The following CDYL2 variants were observed in gnomAD, a reference collection of about 807,000 sequenced individuals.
CDYL2 encodes chromodomain Y-like protein 2.
A neutral mutation model predicts 49.4 loss-of-function variants in CDYL2; 23 were observed. The ratio of observed to expected loss-of-function variants is 0.47; its 90% confidence interval spans 0.34 to 0.66. CDYL2 has a LOEUF of 0.66. Among genes scored for constraint, CDYL2 ranks in the 30% least tolerant of loss-of-function variants. The pLI, the probability that CDYL2 is intolerant of heterozygous loss-of-function variation, is 0.01. For synonymous variants in CDYL2, 360 were observed against 268.8 expected, an observed-to-expected ratio of 1.34 and a Z score of -3.32; for missense variants, 678 against 656.4, an observed-to-expected ratio of 1.03 and a Z score of -0.36.
At chr16:80,723,218 C>T (rs980568247) in intron 1 of CDYL2, among the ~76,000 whole-genome samples, 1 of 152,218 alleles carries the variant, frequency 6.6e-6, no homozygotes, top group Non-Finnish European at 1.5e-5. Flanking sequence ...AAGGCATCTC[C>T]TCTCGGAGCT....
At chr16:80,665,692 T>C (rs749153764) in intron 2 of CDYL2, among the ~76,000 whole-genome samples, 4 of 151,860 alleles carry the variant, frequency 2.6e-5, no homozygotes, top group Admixed American at 1.3e-4. Context: ...GAGATGAAGA[T>C]GGGAGAAGCT....
intron 5 of CDYL2, among the ~76,000 whole-genome samples, chr16:80,608,660 C>T (rs1302016159): frequency 1.3e-5 from 2 of 152,136 alleles, no homozygotes; most frequent in Non-Finnish European, 2.9e-5. Context: ...AGTGGGGTTT[C>T]CAGCTGCAGG....
chr16:80,804,486 CCCCCGCGA>C lies in CDYL2; in HGVS notation c.-321_-314del, dbSNP rs1486593552. Among the ~76,000 whole-genome samples the C allele has an allele frequency of 6.9e-6, 1 of 144,684 alleles. No individual in the cohort carries two copies. The highest frequency in any genetic ancestry group is 2.1e-4 in the East Asian group (1 of 4,826). 94.9% of individuals were successfully genotyped at this position (144,684 alleles called of 152,430 possible). On this transcript the variant is annotated 5_prime_UTR_variant, in exon 1 of 7. Coordinates refer to ENST00000570137, the MANE Select transcript of CDYL2 (RefSeq NM_152342.4). ...CACGGACGCGGCCCGAGCGCCGCGG[CCCCCGCGA>C]CCCGGCGACCCGGCGGCGGTGGCTG... is the stretch of plus-strand genomic sequence containing the variant.
chr16:80,621,046 A>C (rs1907063693), intron 3 of CDYL2, 111 bp from the exon 4 acceptor site: 4 of 1,232,692 alleles, frequency 3.2e-6, no homozygotes, highest in Non-Finnish European at 3.3e-6. Context: ...GAGGCCAGGG[A>C]ATCTGCTTCT....
At position 80,722,610 on chromosome 16, in the gene CDYL2, CTG is replaced by C. The variant is rs1406979576; in HGVS notation, c.25-37483_25-37482del. 8.5e-5 allele frequency among the ~76,000 whole-genome samples: 13 copies of C among 152,266 alleles called. No individual in the cohort carries two copies. The South Asian group carries it at 2.7e-3, about 32-fold the overall frequency. ...TAGGCCTATTTTACAGATTAGAAAA[CTG>C]AGGATCCAAAAAGTCAAAGTTGCCC... On this transcript the variant is annotated intron_variant, in intron 1 of 6. Transcript: ENST00000570137.
chr16:80,692,546 T>C (rs16953843), intron 1 of CDYL2, among the ~76,000 whole-genome samples: 3,290 of 152,304 alleles, frequency 0.022, 118 homozygotes, highest in African/African-American at 0.074. Flanking sequence ...GTAGTAAGAA[T>C]ACATATTAGG....
At chr16:80,667,103 T>G (rs1909298642) in intron 2 of CDYL2, among the ~76,000 whole-genome samples, 1 of 152,120 alleles carries the variant, frequency 6.6e-6, no homozygotes, top group Non-Finnish European at 1.5e-5. Context: ...AAGGTTTCCA[T>G]GGGGGAATTG....
chr16:80,659,848 G>T (rs1418935698), intron 2 of CDYL2, among the ~76,000 whole-genome samples: 1 of 151,784 alleles, frequency 6.6e-6, no homozygotes, highest in Non-Finnish European at 1.5e-5. Flanking sequence ...AACTCAAAAA[G>T]AAAAAGTTCT....
intron 2 of CDYL2, among the ~76,000 whole-genome samples, chr16:80,671,258 T>C (rs963432261): frequency 6.6e-6 from 1 of 152,116 alleles, no homozygotes; most frequent in Non-Finnish European, 1.5e-5. Flanking sequence ...AAGAGGGTGG[T>C]ACAGAGTTAC....
intron 1 of CDYL2, among the ~76,000 whole-genome samples, chr16:80,740,442 G>A (rs1905695172): frequency 6.6e-6 from 1 of 152,110 alleles, no homozygotes; most frequent in Non-Finnish European, 1.5e-5. Context: ...TCCAAGTTCT[G>A]TAGTACACAA....
At chr16:80,736,795 C>A (rs1905548599) in intron 1 of CDYL2, among the ~76,000 whole-genome samples, 1 of 152,062 alleles carries the variant, frequency 6.6e-6, no homozygotes, top group African/African-American at 2.4e-5. Flanking sequence ...AACTTACAGC[C>A]CAATTAGGGC....
chr16:80,685,188 C>T (rs991051057), intron 1 of CDYL2, 59 bp from the exon 2 acceptor site: 3 of 1,385,798 alleles, frequency 2.2e-6, no homozygotes, highest in African/African-American at 2.9e-5. Context: ...AAACTCAGTT[C>T]GAGGCAACAA....
chr16:80,723,592 C>T (rs923272376), intron 1 of CDYL2, among the ~76,000 whole-genome samples: 2 of 152,180 alleles, frequency 1.3e-5, no homozygotes, highest in African/African-American at 2.4e-5. Flanking sequence ...ACAGGATAGT[C>T]CCCCATGTTC....
At chr16:80,676,035 C>T (rs1172219717) in intron 2 of CDYL2, among the ~76,000 whole-genome samples, 3 of 152,076 alleles carry the variant, frequency 2.0e-5, no homozygotes, top group Non-Finnish European at 4.4e-5. Flanking sequence ...AATTCAGGAG[C>T]CAAGCGGGGA....
Position 80,600,780 on chromosome 16 carries a change from C to CA in CDYL2, c.*3607dup, listed in dbSNP as rs1441682561. ...AAATTTAATGGATGTGACTAAATTC[C>CA]AAATAAAAAAAAAGTTTACAAAATT... On this transcript the variant is annotated 3_prime_UTR_variant, in exon 7 of 7. Coordinates refer to ENST00000570137, the MANE Select transcript of CDYL2 (RefSeq NM_152342.4). The CA allele has an allele frequency of 1.7e-5, 2 of 118,600 alleles. No homozygotes were observed. Among genetic ancestry groups the CA allele is most frequent in the Non-Finnish European group, 1.6e-5 (1 of 62,164 alleles). The allele number at this position is 118,600 out of a possible 1,614,324, so 7.3% of individuals were successfully genotyped here. A position where few individuals can be genotyped will look rare whatever the true frequency, so the allele number is the denominator to read the frequency against.
chr16:80,716,360 C>T (rs966373946), intron 1 of CDYL2, among the ~76,000 whole-genome samples: 9 of 152,224 alleles, frequency 5.9e-5, no homozygotes, highest in Non-Finnish European at 1.3e-4. Context: ...AGACTTACCA[C>T]AGCTCCTGAC....
chr16:80,775,044 T>A (rs1320338968), intron 1 of CDYL2, among the ~76,000 whole-genome samples: 2 of 151,990 alleles, frequency 1.3e-5, no homozygotes, highest in Non-Finnish European at 2.9e-5. Flanking sequence ...GGTAACTATA[T>A]TATATCTTCA....
rs1567543572 is a variant in CDYL2 at position 80,620,852 on chromosome 16, C to T, written c.918G>A (p.Val306=). Residue 306 remains valine, a synonymous_variant, in exon 4 of 7, where the codon GTG becomes GTA. Transcript: ENST00000570137. ...AGGAATAATCCAGGCCGCTGCAGAA[C>T]ACGCTCCCCACTGCGCTGAGGAGCA... ...KLLLLSAVGS[V]FCSGLDYSYL... The T allele has an allele frequency of 6.2e-7, 1 of 1,613,724 alleles. No homozygotes were observed. Among genetic ancestry groups the T allele is most frequent in the Non-Finnish European group, 8.5e-7 (1 of 1,179,662 alleles).
intron 1 of CDYL2, among the ~76,000 whole-genome samples, chr16:80,763,490 T>G (rs1269323393): frequency 6.6e-6 from 1 of 151,360 alleles, no homozygotes; most frequent in Non-Finnish European, 1.5e-5. Context: ...CAGGCACCTG[T>G]AATCCCAGCA....
Sources: allele counts gnomAD v4.1 joint callset (sites outside exome capture counted in the v4.1 genomes callset), GRCh38; gene constraint gnomAD v4.1.1; transcripts MANE v1.5; gene names NCBI Gene and HGNC (gene_info 2026-07-23, HGNC 2026-07-21).